Variants in VAV2 observed in about 807,000 individuals in gnomAD.
VAV2 encodes the protein vav guanine nucleotide exchange factor 2, also known as guanine nucleotide exchange factor VAV2.
Under a neutral mutation model 132.5 loss-of-function variants are expected in VAV2, and 67 were observed. The observed-to-expected ratio is 0.51, with a 90% CI of 0.42 to 0.62. The LOEUF (loss-of-function observed/expected upper bound fraction) is 0.62. Ranked by LOEUF, VAV2 falls within the 20% of genes least tolerant of loss-of-function variation. The pLI is 0.00. For missense variants in VAV2, 938 were observed against 1,153.6 expected (o/e 0.81, Z 2.71); for synonymous variants, 492 against 443.5 (o/e 1.11, Z -1.37).
Position 133,879,943 on chromosome 9 carries a change from C to T in VAV2, c.322-18511G>A, listed in dbSNP as rs1277609128. On this transcript the variant is annotated intron_variant, in intron 2 of 29. Coordinates refer to ENST00000371850, the MANE Select transcript of VAV2 (RefSeq NM_001134398.2). The surrounding 1 kb of genome is among the most constrained non-coding windows in gnomAD (Gnocchi z 4.4). ...ATCAAGGGACTTCCCAAAATGGCCA[C>T]TTTATGGATTTTTCTTTTCCTGTCT... 6.6e-6 allele frequency among the ~76,000 whole-genome samples: 1 copy of T among 152,232 alleles called. No individual in the cohort carries two copies. The highest frequency in any genetic ancestry group is 1.5e-5 in the Non-Finnish European group (1 of 68,042).
In VAV2 at chr9:133,935,139, G is replaced by A. The variant is rs1840859085; in HGVS notation, c.321+3964C>T. Reference sequence around the variant, plus strand: ...CAGGCCAAGGGTGGGAGGAACAGGGGGAGGGCACGCAGCCATATCTTCATG... The same window carrying A: ...CAGGCCAAGGGTGGGAGGAACAGGGAGAGGGCACGCAGCCATATCTTCATG... On this transcript the variant is annotated intron_variant, in intron 2 of 29. Coordinates refer to ENST00000371850, the MANE Select transcript of VAV2 (RefSeq NM_001134398.2). This position sits in a 1 kb window ranked among gnomAD's most constrained non-coding sequence, Gnocchi z 5.2. 2.0e-5 allele frequency among the ~76,000 whole-genome samples: 3 copies of A among 152,182 alleles called. No homozygotes were observed. The highest frequency in any genetic ancestry group is 4.4e-5 in the Non-Finnish European group (3 of 68,018).
rs375327740 is a variant in VAV2, at chr9:133,776,775, CG to C, written c.1965+613del. Among the ~76,000 whole-genome samples, 845 of 152,218 alleles carry C rather than the reference CG, an allele frequency of 5.6e-3. 8 individuals carry two copies. The highest frequency in any genetic ancestry group is 0.019 in the African/African-American group (798 of 41,534). ...AGGCGGACGGGACTGGGGCTGGGGT[CG>C]GGGAGCACCGGGGCTGCCGCAGTGG... is the stretch of plus-strand genomic sequence containing the variant. On this transcript the variant is annotated intron_variant, in intron 23 of 29. Transcript: ENST00000371850.
chr9:133,806,622 G>A (rs1200348059), intron 8 of VAV2, among the ~76,000 whole-genome samples: 1 of 152,180 alleles, frequency 6.6e-6, no homozygotes, highest in Non-Finnish European at 1.5e-5. Flanking sequence ...TAGGTCAGAG[G>A]CACAGACTAT....
intron 4 of VAV2, among the ~76,000 whole-genome samples, chr9:133,817,824 A>G (rs975170575): frequency 6.6e-6 from 1 of 151,984 alleles, no homozygotes; most frequent in Non-Finnish European, 1.5e-5. Context: ...CCGCTCATTC[A>G]TTTGTCGTAC....
chr9:133,822,063 C>A (rs531018010), intron 4 of VAV2, among the ~76,000 whole-genome samples: 1 of 152,128 alleles, frequency 6.6e-6, no homozygotes, highest in Non-Finnish European at 1.5e-5. Context: ...ACCTTCTGCC[C>A]GAGACCCTGA....
intron 1 of VAV2, among the ~76,000 whole-genome samples, chr9:133,967,230 T>TA (rs1842171628): frequency 6.6e-6 from 1 of 152,098 alleles, no homozygotes; most frequent in African/African-American, 2.4e-5. Context: ...ACCCCAGTTA[T>TA]AATAGCTATT....
At chr9:133,982,604 C>A (rs548272431) in intron 1 of VAV2, among the ~76,000 whole-genome samples, 1 of 152,120 alleles carries the variant, frequency 6.6e-6, no homozygotes, top group Admixed American at 6.5e-5. Context: ...CTCCGGCTGC[C>A]GCCTGGTTTT....
At chr9:133,784,184 C>T in intron 18 of VAV2, 133 bp downstream of exon 18, 2 of 986,534 alleles carry the variant, frequency 2.0e-6, no homozygotes, top group Non-Finnish European at 3.1e-6. Flanking sequence ...GGGCCTGACT[C>T]TTGTGGGGTA....
In VAV2 at chr9:133,824,519, TCA is replaced by T. The variant is rs1407386252; in HGVS notation, c.449+9751_449+9752del. On this transcript the variant is annotated intron_variant, in intron 4 of 29. Coordinates refer to ENST00000371850, the MANE Select transcript of VAV2 (RefSeq NM_001134398.2). This position sits in a 1 kb window ranked among gnomAD's most constrained non-coding sequence, Gnocchi z 5.2. ...AGGGGGTAAGAGCAGGTTTCCTAAA[TCA>T]CACTTTGGCAAATCCTACGCACTCT... Among the ~76,000 whole-genome samples the T allele has an allele frequency of 6.6e-6, 1 of 152,096 alleles. No individual in the cohort carries two copies. Among genetic ancestry groups the T allele is most frequent in the Non-Finnish European group, 1.5e-5 (1 of 68,014 alleles).
At chr9:133,780,652 C>A in intron 20 of VAV2, 42 bp downstream of exon 20, 1 of 1,176,826 alleles carries the variant, frequency 8.5e-7, no homozygotes, top group South Asian at 3.3e-5. Context: ...AGGGATGTGG[C>A]GGGGGTGGGG....
intron 1 of VAV2, among the ~76,000 whole-genome samples, chr9:133,971,714 T>A (rs1432358020): frequency 6.6e-6 from 1 of 151,930 alleles, no homozygotes; most frequent in Non-Finnish European, 1.5e-5. Flanking sequence ...TGGTCCAGGG[T>A]GTGGGCTGAG....
chr9:133,816,918 T>C (rs938879304), intron 4 of VAV2, among the ~76,000 whole-genome samples: 4 of 152,226 alleles, frequency 2.6e-5, no homozygotes, highest in African/African-American at 9.6e-5. Flanking sequence ...TGAAATCACG[T>C]AATGTAAATC....
chr9:133,784,437 A>G lies in VAV2; in HGVS notation c.1533-19T>C. 3 of 1,613,134 alleles carry G rather than the reference A, an allele frequency of 1.9e-6. No individual in the cohort carries two copies. The highest frequency in any genetic ancestry group is 8.5e-7 in the Non-Finnish European group (1 of 1,179,228). On this transcript the variant is annotated intron_variant, in intron 17 of 29. Coordinates refer to ENST00000371850, the MANE Select transcript of VAV2 (RefSeq NM_001134398.2). Reference sequence around the variant, plus strand: ...GTTTGACCTGGCAGGAGGGAAAGAGAGCAGATGCTACACCCACTGGATTCC... The same window carrying G: ...GTTTGACCTGGCAGGAGGGAAAGAGGGCAGATGCTACACCCACTGGATTCC...
chr9:133,795,543 A>T (rs1588185877), intron 12 of VAV2, 125 bp downstream of exon 12: 2 of 1,230,560 alleles, frequency 1.6e-6, no homozygotes, highest in Non-Finnish European at 2.3e-6. Context: ...CCCTGCCCCA[A>T]CTCCTGCTGT....
At chr9:133,906,600 G>A (rs558125159) in intron 2 of VAV2, among the ~76,000 whole-genome samples, 1 of 152,224 alleles carries the variant, frequency 6.6e-6, no homozygotes, top group Non-Finnish European at 1.5e-5. Context: ...TGGTTGGGCG[G>A]AGCCTCAAGG....
intron 13 of VAV2, 112 bp from the exon 14 acceptor site, chr9:133,789,455 A>T: frequency 1.0e-6 from 1 of 1,003,944 alleles, no homozygotes; most frequent in South Asian, 1.4e-5. Flanking sequence ...CAGGCAGCAG[A>T]GGCGGGACGA....
rs768612737 is a variant in VAV2, at chr9:133,777,378, A to T, written c.1965+11T>A. On this transcript the variant is annotated intron_variant, in intron 23 of 29. Coordinates refer to ENST00000371850, the MANE Select transcript of VAV2 (RefSeq NM_001134398.2). Reference sequence around the variant, plus strand: ...ACCGTGCTCCAGAAGCTTCTGTGGGAAAGGACTCACCCTTCCATCCACAGG... The same window carrying T: ...ACCGTGCTCCAGAAGCTTCTGTGGGTAAGGACTCACCCTTCCATCCACAGG... 6.2e-7 allele frequency: 1 copy of T among 1,613,420 alleles called. No homozygotes were observed. The highest frequency in any genetic ancestry group is 1.1e-5 in the South Asian group (1 of 91,046).
chr9:133,807,412 A>G, intron 7 of VAV2, 86 bp from the exon 8 acceptor site: 1 of 1,390,864 alleles, frequency 7.2e-7, no homozygotes, highest in Non-Finnish European at 9.7e-7. Flanking sequence ...GTCCCAGGGC[A>G]GCTCCGAGGC....
chr9:133,814,677 C>T (rs1172120740), intron 4 of VAV2, among the ~76,000 whole-genome samples: 6 of 152,262 alleles, frequency 3.9e-5, no homozygotes, highest in Admixed American at 2.0e-4. Flanking sequence ...GGATGGCAAA[C>T]GGCCACACTG....
Sources: allele counts gnomAD v4.1 joint callset (sites outside exome capture counted in the v4.1 genomes callset), GRCh38; gene constraint gnomAD v4.1.1; non-coding constraint Gnocchi (gnomAD v3.1); transcripts MANE v1.5; gene names NCBI Gene and HGNC (gene_info 2026-07-23, HGNC 2026-07-21).